ZNF536: variants seen among roughly 807,000 people sequenced by gnomAD.
ZNF536 encodes the protein zinc finger protein 536.
ZNF536 carries 13 observed loss-of-function variants against 84.5 expected under a neutral mutation model. That is an observed-to-expected ratio of 0.15 (90% CI 0.10 to 0.24). The LOEUF is 0.24. Ranked by LOEUF, ZNF536 falls within the 10% of genes least tolerant of loss-of-function variation. The probability of loss-of-function intolerance (pLI) is 1.00; values close to 1 mark genes in which losing one functional copy is unlikely to be tolerated. For missense variants in ZNF536, 1,536 were observed against 1,747.5 expected (o/e 0.88, Z 2.16); for synonymous variants, 811 against 742.5 (o/e 1.09, Z -1.50).
chr19:30,369,194 T>C (rs1341105786), upstream of ZNF536, among the ~76,000 whole-genome samples: 1 of 152,198 alleles, frequency 6.6e-6, no homozygotes, highest in Non-Finnish European at 1.5e-5. Context: ...CACTGCCTTG[T>C]TGCTATTAAG....
At position 30,476,954 on chromosome 19, in the gene ZNF536, T is replaced by TG. The variant is rs201237025; in HGVS notation, c.2170+31225dup. On this transcript the variant is annotated intron_variant, in intron 2 of 4. Coordinates refer to ENST00000355537, the MANE Select transcript of ZNF536 (RefSeq NM_014717.3). ...GGGCCTTTGCACTTCCTATACTTGC[T>TG]GGGTTTTTTTTTTTAATAGAGATGG... Among the ~76,000 whole-genome samples, 201 of 150,596 alleles carry TG rather than the reference T, an allele frequency of 1.3e-3. 1 individual carries two copies. The highest frequency in any genetic ancestry group is 4.8e-3 in the African/African-American group (193 of 40,138).
At chr19:30,645,438 T>A (rs528318135) in intron 1 of ZNF536, among the ~76,000 whole-genome samples, 15 of 152,238 alleles carry the variant, frequency 9.9e-5, no homozygotes, top group South Asian at 4.1e-4. Flanking sequence ...TTTAAAAAAA[T>A]TTTTTTGGGG....
intron 1 of ZNF536, among the ~76,000 whole-genome samples, chr19:30,693,729 A>T (rs143642903): frequency 6.6e-6 from 1 of 152,088 alleles, no homozygotes; most frequent in Non-Finnish European, 1.5e-5. Context: ...GTAATTTTCT[A>T]TTGTTCACAG....
chr19:30,663,409 T>TA (rs1293809910), intron 1 of ZNF536, among the ~76,000 whole-genome samples: 1 of 152,170 alleles, frequency 6.6e-6, no homozygotes, highest in African/African-American at 2.4e-5. Flanking sequence ...GTATGTTTCT[T>TA]AAAATTATAT....
At chr19:30,637,461 ACT>A (rs1432978545) in intron 1 of ZNF536, among the ~76,000 whole-genome samples, 1 of 151,860 alleles carries the variant, frequency 6.6e-6, no homozygotes, top group African/African-American at 2.4e-5. Context: ...CTATTTTGCA[ACT>A]CTCTGCCTTT....
At chr19:30,473,425 T>A (rs889566925) in intron 2 of ZNF536, among the ~76,000 whole-genome samples, 2 of 152,088 alleles carry the variant, frequency 1.3e-5, no homozygotes. Flanking sequence ...TGCAAGTGGC[T>A]TATACAGACA....
At chr19:30,285,033 A>G (rs2045579828) in intron 2 of ZNF536, among the ~76,000 whole-genome samples, 1 of 152,222 alleles carries the variant, frequency 6.6e-6, no homozygotes, top group East Asian at 1.9e-4. Flanking sequence ...TTTATCACAC[A>G]ATGGGTAATT....
intron 4 of ZNF536, 130 bp downstream of exon 4, chr19:30,549,644 C>A: frequency 9.7e-7 from 1 of 1,028,758 alleles, no homozygotes; most frequent in Non-Finnish European, 1.3e-6. Context: ...ACCCTCAATG[C>A]TGTATCTGCA....
chr19:30,515,920 G>A (rs773723124), intron 2 of ZNF536, among the ~76,000 whole-genome samples: 7 of 151,216 alleles, frequency 4.6e-5, no homozygotes, highest in Non-Finnish European at 8.8e-5. Context: ...CCAGCTACTC[G>A]TGGGGCTGAG....
At chr19:30,400,163 TTATAGCCAAAATTTCTGTGAA>T (rs2049990131) in intron 1 of ZNF536, among the ~76,000 whole-genome samples, 1 of 152,174 alleles carries the variant, frequency 6.6e-6, no homozygotes, top group Non-Finnish European at 1.5e-5. Flanking sequence ...AATTTGGCTG[TTATAGCCAAAATTTCTGTGAA>T]CAATGGCATA....
chr19:30,595,021 C>A (rs2047409400), intron 1 of ZNF536, among the ~76,000 whole-genome samples: 1 of 152,052 alleles, frequency 6.6e-6, no homozygotes, highest in South Asian at 2.1e-4. Context: ...GCAGGAGGGA[C>A]CCAAGGTGCA....
intron 2 of ZNF536, among the ~76,000 whole-genome samples, chr19:30,297,572 A>C (rs1032439986): frequency 6.6e-6 from 1 of 152,120 alleles, no homozygotes; most frequent in Non-Finnish European, 1.5e-5. Context: ...TCAGAACTCT[A>C]TTTTTTCCTC....
intron 2 of ZNF536, among the ~76,000 whole-genome samples, chr19:30,505,713 T>C (rs1258344171): frequency 1.3e-5 from 2 of 152,166 alleles, no homozygotes; most frequent in Non-Finnish European, 2.9e-5. Context: ...TCACTCATGC[T>C]GGAGTGCAGT....
At chr19:30,252,905 C>T (rs967970420) in intron 1 of ZNF536, among the ~76,000 whole-genome samples, 2 of 152,222 alleles carry the variant, frequency 1.3e-5, no homozygotes, top group South Asian at 4.1e-4. Context: ...CTGTGATTCT[C>T]ATAAAACAAA....
intron 1 of ZNF536, among the ~76,000 whole-genome samples, chr19:30,708,214 G>A (rs1174635208): frequency 6.6e-6 from 1 of 152,130 alleles, no homozygotes; most frequent in African/African-American, 2.4e-5. Flanking sequence ...GGCCCACAAA[G>A]CAGGCATCCT....
At chr19:30,370,823 G>A (rs1181927608), upstream of ZNF536, among the ~76,000 whole-genome samples, 1 of 152,180 alleles carries the variant, frequency 6.6e-6, no homozygotes, top group Non-Finnish European at 1.5e-5. Flanking sequence ...ATTTTTGGAA[G>A]TGTTTGTTTT....
At chr19:30,598,008 T>G (rs377695938) in intron 1 of ZNF536, among the ~76,000 whole-genome samples, 19 of 152,342 alleles carry the variant, frequency 1.2e-4, no homozygotes, top group African/African-American at 4.3e-4. Flanking sequence ...GTGTTGTTGT[T>G]GTATATACAT....
intron 1 of ZNF536, among the ~76,000 whole-genome samples, chr19:30,705,524 CCTT>C (rs2052189114): frequency 1.3e-5 from 2 of 152,248 alleles, no homozygotes; most frequent in East Asian, 1.9e-4. Flanking sequence ...TAAAGCCAAA[CCTT>C]CTAGATTCAC....
intron 1 of ZNF536, among the ~76,000 whole-genome samples, chr19:30,391,530 C>T (rs1176196906): frequency 2.6e-5 from 4 of 152,076 alleles, no homozygotes; most frequent in Admixed American, 1.3e-4. Flanking sequence ...GAGCTGAGAT[C>T]GCACCATTGC....
Sources: allele counts gnomAD v4.1 joint callset (sites outside exome capture counted in the v4.1 genomes callset), GRCh38; gene constraint gnomAD v4.1.1; transcripts MANE v1.5; gene names NCBI Gene and HGNC (gene_info 2026-07-23, HGNC 2026-07-21).